CDH18: variants seen among roughly 807,000 people sequenced by gnomAD.
CDH18 encodes cadherin 18, also known as cadherin-18.
In CDH18, 31 loss-of-function variants were observed where a neutral mutation model predicts 67.9. The ratio of observed to expected loss-of-function variants is 0.46; its 90% confidence interval spans 0.34 to 0.62. CDH18 has a LOEUF of 0.62. CDH18 is among the 20% of genes least tolerant of loss of function. The pLI, the probability that CDH18 is intolerant of heterozygous loss-of-function variation, is 0.01. For missense variants in CDH18, 890 were observed against 975.5 expected, an observed-to-expected ratio of 0.91 and a Z score of 1.17; for synonymous variants, 362 against 347.2, an observed-to-expected ratio of 1.04 and a Z score of -0.48.
chr5:19,595,147 A>G (rs748241346), intron 6 of CDH18, among the ~76,000 whole-genome samples: 4 of 152,202 alleles, frequency 2.6e-5, no homozygotes, highest in Non-Finnish European at 5.9e-5. Context: ...ACTAATAAAA[A>G]TTATTTGAAA....
At chr5:20,487,469 T>C (rs1165007358) in intron 1 of CDH18, among the ~76,000 whole-genome samples, 1 of 150,518 alleles carries the variant, frequency 6.6e-6, no homozygotes. Flanking sequence ...ACTGTATAGG[T>C]GATGAGAAAT....
At chr5:20,521,875 T>C (rs1755762921) in intron 1 of CDH18, among the ~76,000 whole-genome samples, 1 of 152,036 alleles carries the variant, frequency 6.6e-6, no homozygotes, top group Admixed American at 6.6e-5. Context: ...GTGAAACTAA[T>C]GAATAAAACC....
intron 3 of CDH18, among the ~76,000 whole-genome samples, chr5:19,826,245 C>A (rs1189094895): frequency 6.6e-6 from 1 of 152,134 alleles, no homozygotes; most frequent in Non-Finnish European, 1.5e-5. Context: ...GAGACCAAAT[C>A]TATGACTCAG....
intron 4 of CDH18, among the ~76,000 whole-genome samples, chr5:19,736,378 A>G (rs1768327829): frequency 6.6e-6 from 1 of 152,158 alleles, no homozygotes; most frequent in Non-Finnish European, 1.5e-5. Flanking sequence ...ACTGTCTCAA[A>G]AAAATATAAA....
In CDH18 at chr5:19,591,126, A is replaced by G; in HGVS notation, c.930T>C (p.Gly310=). Reference sequence around the variant, plus strand: ...AGATTGAGAATATTCCCATGCCATCACCATTTATGATGGAGTAGGTCATGT... The same window carrying G: ...AGATTGAGAATATTCCCATGCCATCGCCATTTATGATGGAGTAGGTCATGT... ...NADMTYSIIN[G]DGMGIFSIST... Residue 310 remains glycine, a synonymous_variant, in exon 7 of 13, where the codon GGT becomes GGC. Transcript: ENST00000382275. 1 of 1,611,540 alleles carries G rather than the reference A, an allele frequency of 6.2e-7. No homozygotes were observed. Among genetic ancestry groups the G allele is most frequent in the South Asian group, 1.1e-5 (1 of 90,906 alleles).
At chr5:19,614,669 G>A (rs552443252) in intron 5 of CDH18, among the ~76,000 whole-genome samples, 1 of 152,244 alleles carries the variant, frequency 6.6e-6, no homozygotes, top group South Asian at 2.1e-4. Flanking sequence ...AATCATTAGT[G>A]AGTTTTGCAA....
chr5:19,926,733 C>T (rs1793133151), intron 2 of CDH18, among the ~76,000 whole-genome samples: 1 of 152,034 alleles, frequency 6.6e-6, no homozygotes, highest in African/African-American at 2.4e-5. Flanking sequence ...TTTTCTTCTG[C>T]TACCCAAATA....
At chr5:19,930,075 G>C (rs1260826247) in intron 2 of CDH18, among the ~76,000 whole-genome samples, 1 of 151,998 alleles carries the variant, frequency 6.6e-6, no homozygotes, top group African/African-American at 2.4e-5. Flanking sequence ...AATATTCAAA[G>C]CTCTTTGAAA....
chr5:20,574,904 G>A (rs1270934912), intron 1 of CDH18, among the ~76,000 whole-genome samples: 1 of 151,908 alleles, frequency 6.6e-6, no homozygotes, highest in South Asian at 2.1e-4. Context: ...CAATAAGAGG[G>A]CAGTCTAATG....
chr5:19,900,061 T>C (rs780480837), intron 2 of CDH18, among the ~76,000 whole-genome samples: 83 of 152,156 alleles, frequency 5.5e-4, no homozygotes, highest in Non-Finnish European at 8.8e-4. Context: ...AGTTAAAAAT[T>C]TGTGGTAAGG....
At chr5:19,754,874 C>T (rs1247057349) in intron 3 of CDH18, among the ~76,000 whole-genome samples, 1 of 152,030 alleles carries the variant, frequency 6.6e-6, no homozygotes, top group African/African-American at 2.4e-5. Context: ...TGAACCCATG[C>T]AAATACATGG....
At position 20,505,778 on chromosome 5, in the gene CDH18, T is replaced by C. The variant is rs146548715; in HGVS notation, c.-580+69684A>G. ...ACATTGTTTCACAAACACTTAACAA[T>C]TTCCCATGAAAGTAAAGAAGTTTAG... On this transcript the variant is annotated intron_variant, in intron 1 of 14. Coordinates refer to the CDH18 transcript ENST00000507958. 7.2e-5 allele frequency among the ~76,000 whole-genome samples: 11 copies of C among 152,296 alleles called. No individual in the cohort carries two copies. The South Asian group carries it at 1.4e-3, about 20-fold the overall frequency.
chr5:20,065,089 C>T (rs971120588), intron 2 of CDH18, among the ~76,000 whole-genome samples: 16 of 152,014 alleles, frequency 1.1e-4, no homozygotes, highest in Middle Eastern at 6.8e-3. Context: ...GACTGCCCAG[C>T]TTTCATCAGA....
intron 3 of CDH18, among the ~76,000 whole-genome samples, chr5:19,782,853 C>T (rs1433330088): frequency 6.6e-6 from 1 of 152,176 alleles, no homozygotes; most frequent in Non-Finnish European, 1.5e-5. Context: ...CTTTCTACAA[C>T]TTAAGACATT....
chr5:20,558,802 C>T (rs1393155679), intron 1 of CDH18, among the ~76,000 whole-genome samples: 1 of 151,632 alleles, frequency 6.6e-6, no homozygotes, highest in African/African-American at 2.4e-5. Context: ...ACTTGAGGGC[C>T]AGTAAGATTT....
intron 5 of CDH18, among the ~76,000 whole-genome samples, chr5:19,623,109 A>G (rs891837346): frequency 3.9e-5 from 6 of 152,298 alleles, no homozygotes; most frequent in Middle Eastern, 3.4e-3. Context: ...TGCATGACAT[A>G]TAGAGAAACA....
intron 2 of CDH18, among the ~76,000 whole-genome samples, chr5:19,947,555 A>G (rs959316223): frequency 2.0e-5 from 3 of 148,180 alleles, no homozygotes; most frequent in Non-Finnish European, 3.0e-5. Flanking sequence ...AGCCTGGGCA[A>G]TATGGTGAAA....
chr5:20,463,603 C>T (rs1270194367), intron 1 of CDH18, among the ~76,000 whole-genome samples: 1 of 152,104 alleles, frequency 6.6e-6, no homozygotes, highest in Non-Finnish European at 1.5e-5. Context: ...TTCATGAGAA[C>T]AGCATGGGGG....
At chr5:19,581,601 C>T (rs906376674) in intron 7 of CDH18, among the ~76,000 whole-genome samples, 6 of 151,948 alleles carry the variant, frequency 3.9e-5, no homozygotes, top group East Asian at 1.9e-4. Flanking sequence ...AGAAGAGACT[C>T]TTCATGACCT....
Sources: allele counts gnomAD v4.1 joint callset (sites outside exome capture counted in the v4.1 genomes callset), GRCh38; gene constraint gnomAD v4.1.1; transcripts MANE v1.5; gene names NCBI Gene and HGNC (gene_info 2026-07-23, HGNC 2026-07-21).